GLMN: variants seen among roughly 807,000 people sequenced by gnomAD.
GLMN encodes the protein glomulin, FKBP associated protein.
In GLMN, 75 loss-of-function variants were observed where a neutral mutation model predicts 87.8. The observed-to-expected ratio is 0.85, with a 90% CI of 0.71 to 1.04. The LOEUF is 1.04. GLMN is among the 50% of genes least tolerant of loss of function. The pLI is 0.00. For missense variants in GLMN, 588 were observed against 658.8 expected, an observed-to-expected ratio of 0.89 and a Z score of 1.18; for synonymous variants, 206 against 221.6, an observed-to-expected ratio of 0.93 and a Z score of 0.63.
rs778723224 is a variant in GLMN at position 92,266,448 on chromosome 1, C to T, written c.1185G>A (p.Leu395=). The part of the protein sequence containing the change: ...LAMLQLYINK[L]DSQGKYTLFR... ...ATAATGTATATTTGCCTTGTGAATCCAACTTGTTAATATACAGCTGAAGCA... is the reference window on the plus strand; with the variant it reads ...ATAATGTATATTTGCCTTGTGAATCTAACTTGTTAATATACAGCTGAAGCA... The change falls in exon 13 of 19, where the codon TTG becomes TTA. Residue 395 remains leucine, a synonymous_variant. Transcript: ENST00000370360. 1 of 1,571,462 alleles carries T rather than the reference C, an allele frequency of 6.4e-7. No individual in the cohort carries two copies. The highest frequency in any genetic ancestry group is 1.1e-5 in the South Asian group (1 of 90,062).
At chr1:92,283,559 C>A (rs756304977) in intron 7 of GLMN, among the ~76,000 whole-genome samples, 1 of 152,130 alleles carries the variant, frequency 6.6e-6, no homozygotes, top group Non-Finnish European at 1.5e-5. Context: ...AAAAATGGCA[C>A]AAGACAAGGA....
chr1:92,299,083 T>C (rs1650564309), upstream of GLMN: 2 of 1,509,404 alleles, frequency 1.3e-6, no homozygotes, highest in Non-Finnish European at 8.9e-7. Context: ...CATGGCGGAC[T>C]TCGCTGGGCC....
At chr1:92,344,050 C>CT in the GLMN span, among the ~76,000 whole-genome samples, 11 of 151,998 alleles carry the variant, frequency 7.2e-5, no homozygotes, top group African/African-American at 1.2e-4. Flanking sequence ...TCCTTCTAGT[C>CT]TTTTTTTTGT....
the GLMN span, among the ~76,000 whole-genome samples, chr1:92,308,081 A>G: frequency 6.6e-6 from 1 of 152,146 alleles, no homozygotes; most frequent in South Asian, 2.1e-4. Context: ...CTGGCTCAAA[A>G]AAAAAAAAGC....
the GLMN span, among the ~76,000 whole-genome samples, chr1:92,326,760 C>G: frequency 6.6e-6 from 1 of 152,210 alleles, no homozygotes; most frequent in African/African-American, 2.4e-5. Flanking sequence ...AGGCCTCACC[C>G]AGCTCCCATG....
At chr1:92,280,602 G>A (rs1469508521) in intron 7 of GLMN, among the ~76,000 whole-genome samples, 1 of 152,178 alleles carries the variant, frequency 6.6e-6, no homozygotes, top group African/African-American at 2.4e-5. Flanking sequence ...GAACAAAACT[G>A]GACGGAGAAT....
chr1:92,301,660 C>A, upstream of GLMN: 1 of 576,424 alleles, frequency 1.7e-6, no homozygotes, highest in South Asian at 3.5e-5. Flanking sequence ...CATGAAACTT[C>A]TTTGCATTAT....
At chr1:92,370,041 T>G in the GLMN span, among the ~76,000 whole-genome samples, 1 of 152,102 alleles carries the variant, frequency 6.6e-6, no homozygotes, top group Non-Finnish European at 1.5e-5. Context: ...TGTGCCACCA[T>G]GCCCAGCTAA....
At chr1:92,342,896 G>A in the GLMN span, among the ~76,000 whole-genome samples, 1 of 152,082 alleles carries the variant, frequency 6.6e-6, no homozygotes, top group Non-Finnish European at 1.5e-5. Context: ...CCCAATTTTG[G>A]CTCTACCAAA....
chr1:92,247,459 A>G (rs576879043), intron 17 of GLMN, among the ~76,000 whole-genome samples: 8 of 152,354 alleles, frequency 5.3e-5, no homozygotes, highest in Middle Eastern at 3.4e-3. Context: ...GGTAATGCCT[A>G]TAAAAGCACC....
chr1:92,313,579 T>G, the GLMN span, among the ~76,000 whole-genome samples: 1 of 152,098 alleles, frequency 6.6e-6, no homozygotes, highest in Non-Finnish European at 1.5e-5. Flanking sequence ...TTAGCATAAT[T>G]CTTAGGGGCC....
chr1:92,361,112 CACACAT>C, the GLMN span, among the ~76,000 whole-genome samples: 13 of 60,494 alleles, frequency 2.1e-4, no homozygotes, highest in African/African-American at 7.1e-4. Context: ...TACACACACA[CACACAT>C]ATATATATAT....
the GLMN span, among the ~76,000 whole-genome samples, chr1:92,315,779 A>G: frequency 2.6e-5 from 4 of 152,182 alleles, no homozygotes; most frequent in African/African-American, 9.6e-5. Flanking sequence ...CTCATCTTTA[A>G]GGTATGTAAA....
the GLMN span, among the ~76,000 whole-genome samples, chr1:92,312,243 T>C: frequency 6.6e-6 from 1 of 152,226 alleles, no homozygotes; most frequent in African/African-American, 2.4e-5. Context: ...GACCCATCTC[T>C]ACAAAGTATT....
chr1:92,271,398 TTAGA>T, intron 8 of GLMN, 63 bp downstream of exon 8: 1 of 1,150,402 alleles, frequency 8.7e-7, no homozygotes, highest in East Asian at 2.3e-5. Context: ...ATATTGGACA[TTAGA>T]TAAATGAGAA....
intron 13 of GLMN, 43 bp from the exon 14 acceptor site, chr1:92,264,681 G>A (rs1235625363): frequency 3.9e-6 from 4 of 1,022,774 alleles, no homozygotes; most frequent in East Asian, 2.4e-5. Flanking sequence ...ATCCTGGACA[G>A]CATTAGAATT....
At chr1:92,323,956 CAAGT>C in the GLMN span, 1 of 1,614,092 alleles carries the variant, frequency 6.2e-7, no homozygotes. Flanking sequence ...CAAATCAAAC[CAAGT>C]GTCTAGGTCA....
chr1:92,345,831 TTATC>T, the GLMN span: 8 of 1,475,208 alleles, frequency 5.4e-6, no homozygotes, highest in South Asian at 5.8e-5. Context: ...TGGATAAATT[TTATC>T]TATCTTTCAG....
the GLMN span, among the ~76,000 whole-genome samples, chr1:92,370,533 G>A: frequency 6.6e-6 from 1 of 152,160 alleles, no homozygotes; most frequent in Non-Finnish European, 1.5e-5. Context: ...GATTATATAT[G>A]AGAAACAGTG....
Sources: allele counts gnomAD v4.1 joint callset (sites outside exome capture counted in the v4.1 genomes callset), GRCh38; gene constraint gnomAD v4.1.1; transcripts MANE v1.5; gene names NCBI Gene and HGNC (gene_info 2026-07-23, HGNC 2026-07-21).